RRAS2: variants seen among roughly 807,000 people sequenced by gnomAD.
RRAS2 encodes the protein ras-related protein R-Ras2.
Under a neutral mutation model 27.6 loss-of-function variants are expected in RRAS2, and 7 were observed. The ratio of observed to expected loss-of-function variants is 0.25; its 90% confidence interval spans 0.14 to 0.48. The LOEUF (loss-of-function observed/expected upper bound fraction) is 0.48, where lower values mean the gene tolerates loss of function less well. Ranked by LOEUF, RRAS2 falls within the 20% of genes least tolerant of loss-of-function variation. The pLI is 0.99. For synonymous variants in RRAS2, 86 were observed against 90.9 expected (o/e 0.95, Z 0.31); for missense variants, 178 against 256.2 (o/e 0.69, Z 2.08).
chr11:14,298,491 C>T (rs749320499), intron 1 of RRAS2, among the ~76,000 whole-genome samples: 7 of 152,176 alleles, frequency 4.6e-5, no homozygotes, highest in Non-Finnish European at 7.4e-5. Flanking sequence ...TACCTCTACT[C>T]GCTATGGACA....
intron 1 of RRAS2, among the ~76,000 whole-genome samples, chr11:14,304,699 G>T (rs1401359029): frequency 6.6e-6 from 1 of 152,194 alleles, no homozygotes; most frequent in Non-Finnish European, 1.5e-5. Flanking sequence ...GCACAATAAG[G>T]ACCTAGTTAG....
intron 4 of RRAS2, among the ~76,000 whole-genome samples, chr11:14,285,340 A>G (rs1439683674): frequency 6.6e-6 from 1 of 152,166 alleles, no homozygotes; most frequent in Non-Finnish European, 1.5e-5. Flanking sequence ...CTTGAGCTCA[A>G]GAGTTCAAGG....
chr11:14,297,348 T>C (rs1336008458), intron 1 of RRAS2, among the ~76,000 whole-genome samples: 2 of 152,178 alleles, frequency 1.3e-5, no homozygotes, highest in African/African-American at 4.8e-5. Context: ...AGAGAGCTAC[T>C]CAGAAACAAG....
chr11:14,301,327 T>G (rs945155905), intron 1 of RRAS2, among the ~76,000 whole-genome samples: 1 of 152,210 alleles, frequency 6.6e-6, no homozygotes, highest in Non-Finnish European at 1.5e-5. Context: ...TTTTTAACCC[T>G]GAGCTTTCAC....
chr11:14,314,473 C>T (rs1194574025), intron 1 of RRAS2, among the ~76,000 whole-genome samples: 3 of 152,032 alleles, frequency 2.0e-5, no homozygotes, highest in Admixed American at 6.6e-5. Flanking sequence ...AAATGCAGAA[C>T]AAAATATTAA....
At chr11:14,298,669 A>T (rs1348272868) in intron 1 of RRAS2, among the ~76,000 whole-genome samples, 7 of 152,162 alleles carry the variant, frequency 4.6e-5, no homozygotes, top group Admixed American at 3.9e-4. Flanking sequence ...CTATCTTCAT[A>T]CTTTGTCTAC....
At chr11:14,335,217 G>T (rs1591480250) in intron 1 of RRAS2, among the ~76,000 whole-genome samples, 2 of 151,946 alleles carry the variant, frequency 1.3e-5, no homozygotes, top group South Asian at 2.1e-4. Flanking sequence ...CCTTTTAATG[G>T]CAGGCTTCCA....
chr11:14,349,347 A>T (rs10832245), intron 1 of RRAS2, among the ~76,000 whole-genome samples: 1 of 147,888 alleles, frequency 6.8e-6, no homozygotes, highest in Non-Finnish European at 1.5e-5. Context: ...ATTTTTAGTA[A>T]AGAGGGGGGT....
At chr11:14,344,584 C>T (rs534693300) in intron 1 of RRAS2, among the ~76,000 whole-genome samples, 1 of 152,334 alleles carries the variant, frequency 6.6e-6, no homozygotes, top group African/African-American at 2.4e-5. Flanking sequence ...CTTAGCTTTC[C>T]TTTCAGCTCG....
At chr11:14,305,767 G>A (rs555963149) in intron 1 of RRAS2, among the ~76,000 whole-genome samples, 6 of 152,226 alleles carry the variant, frequency 3.9e-5, no homozygotes, top group African/African-American at 9.6e-5. Context: ...AGTCTTGGCC[G>A]TGCGCGATGG....
intron 1 of RRAS2, among the ~76,000 whole-genome samples, chr11:14,328,154 G>C (rs782441703): frequency 6.6e-6 from 1 of 152,064 alleles, no homozygotes; most frequent in Non-Finnish European, 1.5e-5. Context: ...GATCACCTGA[G>C]GTCAGGAGTT....
At chr11:14,349,333 T>G (rs1259507031) in intron 1 of RRAS2, among the ~76,000 whole-genome samples, 4 of 151,308 alleles carry the variant, frequency 2.6e-5, no homozygotes, top group East Asian at 1.9e-4. Context: ...TTTTTTTTTT[T>G]TGTATTTTTA....
chr11:14,294,071 T>A (rs1847484142), intron 4 of RRAS2, among the ~76,000 whole-genome samples: 1 of 152,214 alleles, frequency 6.6e-6, no homozygotes, highest in Non-Finnish European at 1.5e-5. Flanking sequence ...TGAAAGCCAT[T>A]CTCTACATGA....
At chr11:14,305,713 G>T (rs891630036) in intron 1 of RRAS2, among the ~76,000 whole-genome samples, 2 of 152,090 alleles carry the variant, frequency 1.3e-5, no homozygotes, top group Non-Finnish European at 2.9e-5. Context: ...GTGTTTGGGG[G>T]TTCCAATTTT....
At chr11:14,350,419 C>CCT (rs779176234) in intron 1 of RRAS2, among the ~76,000 whole-genome samples, 26 of 152,244 alleles carry the variant, frequency 1.7e-4, no homozygotes, top group Non-Finnish European at 2.9e-4. Context: ...TGGCTTGCTT[C>CCT]CTCTCACCAT....
intron 1 of RRAS2, among the ~76,000 whole-genome samples, chr11:14,326,264 C>T (rs1848355579): frequency 6.6e-6 from 1 of 152,166 alleles, no homozygotes; most frequent in Non-Finnish European, 1.5e-5. Context: ...CAGCTTAAAA[C>T]AAGTAACTAG....
upstream of RRAS2, among the ~76,000 whole-genome samples, chr11:14,360,480 A>C (rs927600014): frequency 1.3e-5 from 2 of 152,120 alleles, no homozygotes; most frequent in East Asian, 1.9e-4. Context: ...GGCCCACTGC[A>C]ACCTCCAACT....
intron 1 of RRAS2, among the ~76,000 whole-genome samples, chr11:14,300,074 T>A (rs1418949459): frequency 1.3e-5 from 2 of 152,020 alleles, no homozygotes; most frequent in African/African-American, 4.8e-5. Flanking sequence ...TGCACTGAGC[T>A]AGACAGTAAA....
At chr11:14,280,759 C>G (rs1554944200) in intron 5 of RRAS2, among the ~76,000 whole-genome samples, 1 of 100,536 alleles carries the variant, frequency 9.9e-6, no homozygotes, top group African/African-American at 4.9e-5. Flanking sequence ...AAAAAAAAAG[C>G]AGCCCACTTC....
Sources: allele counts gnomAD v4.1 joint callset (sites outside exome capture counted in the v4.1 genomes callset), GRCh38; gene constraint gnomAD v4.1.1; transcripts MANE v1.5; gene names NCBI Gene and HGNC (gene_info 2026-07-23, HGNC 2026-07-21).